The following ABHD12 variants were observed in gnomAD, a reference collection of about 807,000 sequenced individuals.
ABHD12 encodes lysophosphatidylserine lipase ABHD12.
In ABHD12, 43 loss-of-function variants were observed where a neutral mutation model predicts 58.3. That is an observed-to-expected ratio of 0.74 (90% confidence interval 0.58 to 0.95). The LOEUF is 0.95. ABHD12 is among the 40% of genes least tolerant of loss of function. The pLI is 0.00. For missense variants in ABHD12, 539 were observed against 537.2 expected, an observed-to-expected ratio of 1.00 and a Z score of -0.03; for synonymous variants, 219 against 211.2, an observed-to-expected ratio of 1.04 and a Z score of -0.32.
Position 25,341,818 on chromosome 20 carries a change from G to A in ABHD12, c.192-2467C>T, listed in dbSNP as rs1269020747. ...TCAGGACGTTATCCTGAGAGAAAAC[G>A]AAAAGCCCATTAAAAAGAAAAAAGC... is the stretch of plus-strand genomic sequence containing the variant. On this transcript the variant is annotated intron_variant, in intron 1 of 12. Coordinates refer to ENST00000339157, the MANE Select transcript of ABHD12 (RefSeq NM_001042472.3). 3.3e-5 allele frequency among the ~76,000 whole-genome samples: 5 copies of A among 151,952 alleles called. No homozygotes were observed. In the East Asian group the frequency reaches 7.7e-4, roughly 23 times the overall value.
intron 2 of ABHD12, among the ~76,000 whole-genome samples, chr20:25,334,900 G>C (rs1269015111): frequency 6.6e-6 from 1 of 151,118 alleles, no homozygotes; most frequent in Non-Finnish European, 1.5e-5. Context: ...CATGGGCAAG[G>C]ACTTCATGTC....
intron 1 of ABHD12, among the ~76,000 whole-genome samples, chr20:25,366,042 C>G (rs4815408): frequency 6.6e-6 from 1 of 151,984 alleles, no homozygotes; most frequent in East Asian, 1.9e-4. Context: ...CCTTAAAAAT[C>G]AAATAAATAT....
intron 12 of ABHD12, chr20:25,295,079 A>G: frequency 6.3e-7 from 1 of 1,577,136 alleles, no homozygotes; most frequent in Non-Finnish European, 8.7e-7. Context: ...CATTTCGTGA[A>G]GTGTGCTTCT....
downstream of ABHD12, chr20:25,296,234 A>T (rs2088541830): frequency 3.8e-6 from 4 of 1,065,806 alleles, no homozygotes; most frequent in South Asian, 2.9e-5. Flanking sequence ...AAGTGATTGT[A>T]ATGTCCTCCT....
At chr20:25,324,823 G>A (rs909921894) in intron 2 of ABHD12, among the ~76,000 whole-genome samples, 1 of 152,162 alleles carries the variant, frequency 6.6e-6, no homozygotes, top group African/African-American at 2.4e-5. Flanking sequence ...CCAGGAAGCA[G>A]ATACATCTTC....
chr20:25,381,234 C>A (rs1011939914), intron 1 of ABHD12, among the ~76,000 whole-genome samples: 16 of 152,186 alleles, frequency 1.1e-4, no homozygotes, highest in Non-Finnish European at 2.4e-4. Flanking sequence ...AGACTGTGCA[C>A]ACACAGCCAC....
chr20:25,335,823 G>C (rs1600817494), intron 2 of ABHD12, among the ~76,000 whole-genome samples: 1 of 108,414 alleles, frequency 9.2e-6, no homozygotes, highest in Non-Finnish European at 1.8e-5. Context: ...GGGGGGAGGG[G>C]GGAGGGATAG....
At chr20:25,343,923 G>A (rs952552007) in intron 1 of ABHD12, among the ~76,000 whole-genome samples, 2 of 152,074 alleles carry the variant, frequency 1.3e-5, no homozygotes, top group Admixed American at 6.6e-5. Flanking sequence ...TATACACTAC[G>A]GCCAAGTGGG....
intron 3 of ABHD12, among the ~76,000 whole-genome samples, chr20:25,321,789 T>A (rs1205356935): frequency 6.6e-6 from 1 of 152,182 alleles, no homozygotes; most frequent in African/African-American, 2.4e-5. Flanking sequence ...GACAGAAACC[T>A]GAGGAGTCCC....
At chr20:25,296,934 G>A (rs2088556132), downstream of ABHD12, 1 of 175,074 alleles carries the variant, frequency 5.7e-6, no homozygotes, top group East Asian at 1.8e-4. Flanking sequence ...CTGGGAATGA[G>A]TGTTACTGCA....
Position 25,320,236 on chromosome 20 carries a change from G to C in ABHD12, c.505C>G (p.Pro169Ala). The change falls in exon 4 of 13, where the codon CCT (proline) becomes GCT (alanine). Residue 169 changes from proline to alanine, a missense_variant. By Grantham distance (27) the Pro-to-Ala change is conservative. Coordinates refer to ENST00000339157, the MANE Select transcript of ABHD12 (RefSeq NM_001042472.3). ...TTCCCATGCAGGTACAGAATGATAG[G>C]GTGGCTGGAAGCCAAGGCATCCTCA... Reference protein sequence around the residue: ...WYEDALASSHPIILYLHGNAG... With the variant: ...WYEDALASSHAIILYLHGNAG... 6.2e-7 allele frequency: 1 copy of C among 1,614,136 alleles called. No homozygotes were observed. Among genetic ancestry groups the C allele is most frequent in the African/African-American group, 1.3e-5 (1 of 75,056 alleles).
At chr20:25,375,983 C>T (rs1473604433) in intron 1 of ABHD12, among the ~76,000 whole-genome samples, 3 of 151,834 alleles carry the variant, frequency 2.0e-5, no homozygotes, top group East Asian at 1.9e-4. Flanking sequence ...ATTAGCTGGG[C>T]GTGGTGGTGG....
chr20:25,329,287 G>A (rs1378450295), intron 2 of ABHD12, among the ~76,000 whole-genome samples: 3 of 152,240 alleles, frequency 2.0e-5, no homozygotes. Flanking sequence ...CCACCATTGA[G>A]GTCCAACTCT....
intron 1 of ABHD12, among the ~76,000 whole-genome samples, chr20:25,359,131 A>G (rs1414325215): frequency 6.6e-6 from 1 of 151,582 alleles, no homozygotes; most frequent in Non-Finnish European, 1.5e-5. Flanking sequence ...TGCATATAAC[A>G]TTTCTATTGG....
At chr20:25,305,741 G>C (rs534927470) in intron 10 of ABHD12, among the ~76,000 whole-genome samples, 9 of 151,954 alleles carry the variant, frequency 5.9e-5, no homozygotes, top group Non-Finnish European at 1.3e-4. Flanking sequence ...TCTGAAAAAG[G>C]TTTAAAAAAA....
At chr20:25,322,206 C>A (rs1477007264) in intron 3 of ABHD12, among the ~76,000 whole-genome samples, 1 of 151,164 alleles carries the variant, frequency 6.6e-6, no homozygotes, top group Non-Finnish European at 1.5e-5. Flanking sequence ...CAAGGAGACA[C>A]AGAGAAGTCA....
intron 4 of ABHD12, among the ~76,000 whole-genome samples, chr20:25,318,305 ACT>A (rs3032438): frequency 0.55 from 83,446 of 151,864 alleles, 23,526 homozygotes; most frequent in Admixed American, 0.62. Context: ...ACAGAGTGAG[ACT>A]CTGTCTCAAA....
chr20:25,339,206 A>G, intron 2 of ABHD12, 21 bp downstream of exon 2: 1 of 1,614,086 alleles, frequency 6.2e-7, no homozygotes, highest in Non-Finnish European at 8.5e-7. Context: ...ATTAAAGGAA[A>G]AATGGACACA....
chr20:25,299,716 T>A (rs545871807), downstream of ABHD12, among the ~76,000 whole-genome samples: 1 of 152,158 alleles, frequency 6.6e-6, no homozygotes, highest in African/African-American at 2.4e-5. Context: ...CCGGCTCAGA[T>A]GGCCATGCAA....
Sources: allele counts gnomAD v4.1 joint callset (sites outside exome capture counted in the v4.1 genomes callset), GRCh38; gene constraint gnomAD v4.1.1; transcripts MANE v1.5; gene names NCBI Gene and HGNC (gene_info 2026-07-23, HGNC 2026-07-21).